ALDH1L1: variants seen among roughly 807,000 people sequenced by gnomAD.
ALDH1L1 encodes the protein cytosolic 10-formyltetrahydrofolate dehydrogenase.
In ALDH1L1, 68 loss-of-function variants were observed where a neutral mutation model predicts 101.1. The observed-to-expected ratio is 0.67, with a 90% CI of 0.55 to 0.82. The LOEUF is 0.82. Ranked by LOEUF, ALDH1L1 falls within the 40% of genes least tolerant of loss-of-function variation. ALDH1L1 has a pLI of 0.00. For synonymous variants in ALDH1L1, 486 were observed against 470.8 expected, an observed-to-expected ratio of 1.03 and a Z score of -0.42; for missense variants, 1,087 against 1,172.7, an observed-to-expected ratio of 0.93 and a Z score of 1.07.
chr3:126,120,010 C>T (rs541311201), intron 16 of ALDH1L1, among the ~76,000 whole-genome samples: 31 of 152,382 alleles, frequency 2.0e-4, no homozygotes, highest in Middle Eastern at 3.4e-3. Context: ...GCAACAGGAA[C>T]TCTCAGTCAT....
At position 126,103,738 on chromosome 3, in the gene ALDH1L1, G is replaced by A; in HGVS notation, c.*53C>T. ...TGTGCACCCAGGCTCAAGAGGGAGG[G>A]GGCCCCAGCCACGAGGGAGGGGCAG... On this transcript the variant is annotated 3_prime_UTR_variant, in exon 23 of 23. Transcript: ENST00000393434. The A allele has an allele frequency of 6.3e-7, 1 of 1,588,766 alleles. No homozygotes were observed. Among genetic ancestry groups the A allele is most frequent in the Middle Eastern group, 1.7e-4 (1 of 6,032 alleles).
intron 1 of ALDH1L1, among the ~76,000 whole-genome samples, chr3:126,194,091 G>C (rs1169844901): frequency 6.6e-6 from 1 of 152,128 alleles, no homozygotes; most frequent in Non-Finnish European, 1.5e-5. Flanking sequence ...CTGTGGAAAT[G>C]ACTTTAAATA....
Position 126,153,642 on chromosome 3 carries a change from C to G in ALDH1L1, c.721-61G>C, listed in dbSNP as rs148078953. On this transcript the variant is annotated intron_variant, in intron 6 of 22. Transcript: ENST00000393434. Reference sequence around the variant, plus strand: ...AGAAGAAGCCCCCGAAGCCAGTAGCCCAGGCAGGTCTGAGCAGGGCTGGGA... The same window carrying G: ...AGAAGAAGCCCCCGAAGCCAGTAGCGCAGGCAGGTCTGAGCAGGGCTGGGA... 3.8e-5 allele frequency: 59 copies of G among 1,571,358 alleles called. 1 individual carries two copies. In the Middle Eastern group the frequency reaches 6.3e-3, roughly 169 times the overall value.
chr3:126,136,587 C>T (rs2080450231), intron 11 of ALDH1L1, among the ~76,000 whole-genome samples, 177 bp downstream of exon 11: 1 of 152,118 alleles, frequency 6.6e-6, no homozygotes, highest in Non-Finnish European at 1.5e-5. Flanking sequence ...CACCTCCTCT[C>T]CACTCCACTC....
At chr3:126,192,379 A>C (rs948739288) in intron 1 of ALDH1L1, among the ~76,000 whole-genome samples, 1 of 152,236 alleles carries the variant, frequency 6.6e-6, no homozygotes, top group Admixed American at 6.5e-5. Context: ...TGATCGGTTT[A>C]GACTTTTATA....
At position 126,136,822 on chromosome 3, in the gene ALDH1L1, TC is replaced by T. The variant is rs751997095; in HGVS notation, c.1285del (p.Glu429SerfsTer60). ...RMPHQLFIGG[E>X]FVDAEGAKTS... ...CTTGGCGCCCTCGGCATCCACGAACTCCCCCCCAATGAAGAGCTGGTGGGGC... is the reference window on the plus strand; with the variant it reads ...CTTGGCGCCCTCGGCATCCACGAACTCCCCCCAATGAAGAGCTGGTGGGGC... On this transcript the variant is annotated frameshift_variant, in exon 11 of 23. Coordinates refer to ENST00000393434, the MANE Select transcript of ALDH1L1 (RefSeq NM_012190.4). LOFTEE classifies it high-confidence loss of function. 1.2e-6 allele frequency: 2 copies of T among 1,608,140 alleles called. No homozygotes were observed. The highest frequency in any genetic ancestry group is 1.1e-5 in the South Asian group (1 of 89,548).
intron 9 of ALDH1L1, among the ~76,000 whole-genome samples, chr3:126,144,251 T>C (rs992535669): frequency 2.6e-5 from 4 of 152,214 alleles, no homozygotes; most frequent in Admixed American, 6.5e-5. Context: ...GTTCATGGAC[T>C]GGAGAAGTTA....
At chr3:126,147,844 C>T (rs948245400) in intron 8 of ALDH1L1, among the ~76,000 whole-genome samples, 16 of 152,140 alleles carry the variant, frequency 1.1e-4, no homozygotes, top group African/African-American at 3.1e-4. Context: ...ATCCTCAGGG[C>T]GAGCATCAAC....
intron 1 of ALDH1L1, among the ~76,000 whole-genome samples, chr3:126,189,780 G>T (rs1200710632): frequency 1.3e-5 from 2 of 152,144 alleles, no homozygotes; most frequent in African/African-American, 4.8e-5. Flanking sequence ...ATTTTTAAGG[G>T]CACAGGCCTC....
At chr3:126,181,157 C>T (rs1237003803), upstream of ALDH1L1, 2 of 701,820 alleles carry the variant, frequency 2.8e-6, no homozygotes, top group Non-Finnish European at 2.4e-6. Context: ...TCTCCACTCT[C>T]TCCCTTCTAC....
chr3:126,177,169 A>T (rs1271410653), intron 1 of ALDH1L1, among the ~76,000 whole-genome samples: 1 of 152,266 alleles, frequency 6.6e-6, no homozygotes, highest in Non-Finnish European at 1.5e-5. Flanking sequence ...CACGAAACAT[A>T]CTTTTACCAT....
At chr3:126,114,247 C>T (rs1946166290) in intron 18 of ALDH1L1, among the ~76,000 whole-genome samples, 1 of 152,176 alleles carries the variant, frequency 6.6e-6, no homozygotes, top group Non-Finnish European at 1.5e-5. Flanking sequence ...ATGTTTATTT[C>T]AGAACAGATG....
intron 9 of ALDH1L1, among the ~76,000 whole-genome samples, chr3:126,145,614 T>C (rs1326419215): frequency 2.0e-5 from 3 of 152,202 alleles, no homozygotes; most frequent in Non-Finnish European, 2.9e-5. Flanking sequence ...TCCACTTGTA[T>C]GAAGTACTAG....
In ALDH1L1 at chr3:126,157,381, A is replaced by G; in HGVS notation, c.490T>C (p.Tyr164His). The G allele has an allele frequency of 1.2e-6, 2 of 1,614,032 alleles. No homozygotes were observed. Among genetic ancestry groups the G allele is most frequent in the East Asian group, 4.5e-5 (2 of 44,864 alleles). Residue 164 changes from tyrosine (Y) to histidine (H), a missense_variant, in exon 4 of 23, where the codon TAC (tyrosine) becomes CAC (histidine). Physicochemically the swap from Tyr to His is moderately conservative, Grantham distance 83 (BLOSUM62 2). Coordinates refer to ENST00000393434, the MANE Select transcript of ALDH1L1 (RefSeq NM_012190.4). ...VLPDDTVSTL[Y>H]NRFLFPEGIK... ...CCTTCAGGGAAGAGGAAGCGGTTGT[A>G]CAGCGTGCTCACGGTGTCGTCCGGG... is the stretch of plus-strand genomic sequence containing the variant.
At chr3:126,121,266 G>A (rs1015469744) in intron 16 of ALDH1L1, among the ~76,000 whole-genome samples, 1 of 152,190 alleles carries the variant, frequency 6.6e-6, no homozygotes, top group African/African-American at 2.4e-5. Context: ...CCAGAGCTGC[G>A]CGGCGCTGCC....
At chr3:126,172,905 C>T (rs926548172) in intron 1 of ALDH1L1, among the ~76,000 whole-genome samples, 6 of 152,116 alleles carry the variant, frequency 3.9e-5, no homozygotes, top group African/African-American at 9.6e-5. Context: ...TTACATCAAA[C>T]GTCTCTTCAT....
chr3:126,181,030 A>C, upstream of ALDH1L1: 1 of 1,590,950 alleles, frequency 6.3e-7, no homozygotes, highest in Non-Finnish European at 8.5e-7. Flanking sequence ...AGCCGCTTGC[A>C]GAGGCGGCCC....
At chr3:126,155,544 C>T in intron 4 of ALDH1L1, 41 bp from the exon 5 acceptor site, 1 of 1,566,396 alleles carries the variant, frequency 6.4e-7, no homozygotes, top group Non-Finnish European at 8.7e-7. Flanking sequence ...GCAATAGGAC[C>T]CTGCCTCCTT....
At chr3:126,189,809 G>A (rs1039026567) in intron 1 of ALDH1L1, among the ~76,000 whole-genome samples, 10 of 152,186 alleles carry the variant, frequency 6.6e-5, no homozygotes, top group African/African-American at 7.2e-5. Context: ...ACTACATAAA[G>A]GTTCAGTCTA....
Sources: allele counts gnomAD v4.1 joint callset (sites outside exome capture counted in the v4.1 genomes callset), GRCh38; gene constraint gnomAD v4.1.1; transcripts MANE v1.5; gene names NCBI Gene and HGNC (gene_info 2026-07-23, HGNC 2026-07-21).